The following EYA1 variants were observed in gnomAD, a reference collection of about 807,000 sequenced individuals.
EYA1 encodes protein phosphatase EYA1.
Under a neutral mutation model 82.0 loss-of-function variants are expected in EYA1, and 16 were observed. The observed-to-expected ratio is 0.20, with a 90% CI of 0.13 to 0.30. The LOEUF (loss-of-function observed/expected upper bound fraction) is 0.30. Ranked by LOEUF, EYA1 falls within the 10% of genes least tolerant of loss-of-function variation. The pLI, the probability that EYA1 is intolerant of heterozygous loss-of-function variation, is 1.00. For missense variants in EYA1, 633 were observed against 730.7 expected, an observed-to-expected ratio of 0.87 and a Z score of 1.54; for synonymous variants, 261 against 264.4, an observed-to-expected ratio of 0.99 and a Z score of 0.12.
At chr8:71,291,583 A>G (rs1318941471) in intron 9 of EYA1, among the ~76,000 whole-genome samples, 2 of 152,138 alleles carry the variant, frequency 1.3e-5, no homozygotes, top group Non-Finnish European at 2.9e-5. Flanking sequence ...CCTAAAAACT[A>G]ATTATCTTTT....
At chr8:71,291,951 G>C (rs777068403) in intron 9 of EYA1, among the ~76,000 whole-genome samples, 7 of 151,934 alleles carry the variant, frequency 4.6e-5, no homozygotes, top group African/African-American at 1.7e-4. Flanking sequence ...TAAGAGATTT[G>C]GGATAAAAAA....
intron 2 of EYA1, among the ~76,000 whole-genome samples, chr8:71,450,144 A>C (rs1807236253): frequency 6.6e-6 from 1 of 152,218 alleles, no homozygotes; most frequent in African/African-American, 2.4e-5. Context: ...TCATGGGTTC[A>C]CTGAAGTAAC....
At chr8:71,271,247 G>T (rs1289365966) in intron 10 of EYA1, among the ~76,000 whole-genome samples, 3 of 152,202 alleles carry the variant, frequency 2.0e-5, no homozygotes, top group Admixed American at 1.3e-4. Flanking sequence ...GGAGAATGGG[G>T]TCTCTATCCC....
At chr8:71,319,064 G>T (rs1822233206) in intron 6 of EYA1, among the ~76,000 whole-genome samples, 1 of 151,578 alleles carries the variant, frequency 6.6e-6, no homozygotes, top group East Asian at 1.9e-4. Context: ...TCCACCTCTT[G>T]CTGCATTTGA....
At chr8:71,383,067 CAGTTACATTGTTTTCTA>C (rs1828795163) in intron 2 of EYA1, among the ~76,000 whole-genome samples, 1 of 149,314 alleles carries the variant, frequency 6.7e-6, no homozygotes, top group Non-Finnish European at 1.5e-5. Flanking sequence ...AATGTATCCT[CAGTTACATTGTTTTCTA>C]ACAGCACCTA....
intron 2 of EYA1, among the ~76,000 whole-genome samples, chr8:71,464,654 C>G (rs1808646619): frequency 6.6e-6 from 1 of 152,152 alleles, no homozygotes; most frequent in African/African-American, 2.4e-5. Context: ...TGTTTAGGGA[C>G]AATTGCAATA....
exon 2 of EYA1, chr8:71,535,776 T>C (rs1366378858): frequency 9.9e-6 from 15 of 1,519,076 alleles, no homozygotes; most frequent in Admixed American, 6.2e-5. Context: ...GGGTCTTCCA[T>C]TGAAGACTTC....
At chr8:71,370,862 C>T (rs769941627) in intron 2 of EYA1, among the ~76,000 whole-genome samples, 11 of 151,994 alleles carry the variant, frequency 7.2e-5, no homozygotes, top group South Asian at 2.1e-4. Flanking sequence ...TGAGCTCAAG[C>T]GATGCTCCCA....
intron 2 of EYA1, among the ~76,000 whole-genome samples, chr8:71,453,285 T>A (rs1352331829): frequency 2.0e-5 from 3 of 152,208 alleles, no homozygotes; most frequent in South Asian, 2.1e-4. Context: ...ACACCAACTC[T>A]ACGTCTAATT....
chr8:71,409,837 C>A (rs1830482287), intron 2 of EYA1, among the ~76,000 whole-genome samples: 1 of 135,312 alleles, frequency 7.4e-6, no homozygotes, highest in Non-Finnish European at 1.6e-5. Context: ...CTATTCCAAT[C>A]AATGGAAAAA....
At chr8:71,204,014 G>C (rs915307128) in intron 17 of EYA1, among the ~76,000 whole-genome samples, 1 of 152,172 alleles carries the variant, frequency 6.6e-6, no homozygotes, top group African/African-American at 2.4e-5. Flanking sequence ...TATTTTCTCA[G>C]GTTGCTGAAG....
chr8:71,432,772 A>G (rs1252078502), intron 2 of EYA1, among the ~76,000 whole-genome samples: 1 of 152,296 alleles, frequency 6.6e-6, no homozygotes, highest in East Asian at 1.9e-4. Flanking sequence ...GGGGAATACA[A>G]TGCAGCCCTA....
At chr8:71,455,470 G>A (rs1053267414) in intron 2 of EYA1, among the ~76,000 whole-genome samples, 2 of 152,090 alleles carry the variant, frequency 1.3e-5, no homozygotes, top group African/African-American at 4.8e-5. Context: ...GAGAATTTTA[G>A]ACCAATACCC....
Position 71,304,381 on chromosome 8 carries a change from T to C in EYA1, c.557-4661A>G, listed in dbSNP as rs533787176. Among the ~76,000 whole-genome samples, 3 of 142,976 alleles carry C rather than the reference T, an allele frequency of 2.1e-5. 1 individual carries two copies. The South Asian group carries it at 6.8e-4, about 32-fold the overall frequency. The allele number at this position is 142,976 out of a possible 152,430, so 93.8% of individuals were successfully genotyped here. On this transcript the variant is annotated intron_variant, in intron 7 of 17. Transcript: ENST00000340726. ...CCAGAACTGACGCTCTTAATCTCTA[T>C]AGTAAATTGCATCTCAGAATGGCAA...
intron 2 of EYA1, among the ~76,000 whole-genome samples, chr8:71,381,795 A>T (rs1273446021): frequency 4.0e-5 from 6 of 151,834 alleles, no homozygotes; most frequent in African/African-American, 1.2e-4. Flanking sequence ...CACACACTCA[A>T]CTCCCTATCA....
intron 2 of EYA1, among the ~76,000 whole-genome samples, chr8:71,455,593 G>A (rs991285007): frequency 1.3e-5 from 2 of 152,164 alleles, no homozygotes; most frequent in Admixed American, 1.3e-4. Context: ...GGGATGCAAG[G>A]CTGGTTCAAT....
At chr8:71,544,078 GA>G (rs768360519) in intron 1 of EYA1, among the ~76,000 whole-genome samples, 1 of 152,184 alleles carries the variant, frequency 6.6e-6, no homozygotes, top group African/African-American at 2.4e-5. Context: ...CAGTAATGGA[GA>G]AATCATTAAG....
intron 12 of EYA1, among the ~76,000 whole-genome samples, chr8:71,237,280 G>A (rs1019349201): frequency 1.3e-5 from 2 of 152,088 alleles, no homozygotes; most frequent in Non-Finnish European, 1.5e-5. Context: ...TCAAACTCCT[G>A]ACCTCGTGAT....
At chr8:71,269,426 A>C (rs1386030676) in intron 11 of EYA1, among the ~76,000 whole-genome samples, 2 of 152,248 alleles carry the variant, frequency 1.3e-5, no homozygotes, top group Non-Finnish European at 1.5e-5. Context: ...AGAGAACACG[A>C]AACATCTTTC....
Sources: allele counts gnomAD v4.1 joint callset (sites outside exome capture counted in the v4.1 genomes callset), GRCh38; gene constraint gnomAD v4.1.1; transcripts MANE v1.5; gene names NCBI Gene and HGNC (gene_info 2026-07-23, HGNC 2026-07-21).